Variants in OPCML observed in about 807,000 individuals in gnomAD.
The protein encoded by OPCML is opioid-binding protein/cell adhesion molecule.
A neutral mutation model predicts 37.8 loss-of-function variants in OPCML; 13 were observed. The ratio of observed to expected loss-of-function variants is 0.34; its 90% CI spans 0.22 to 0.55. The LOEUF (loss-of-function observed/expected upper bound fraction) is 0.55. Among genes scored for constraint, OPCML ranks in the 20% least tolerant of loss-of-function variants. The probability of loss-of-function intolerance (pLI) is 0.91; values close to 1 mark genes in which losing one functional copy is unlikely to be tolerated. For missense variants in OPCML, 341 were observed against 435.6 expected, an observed-to-expected ratio of 0.78 and a Z score of 1.93; for synonymous variants, 176 against 168.8, an observed-to-expected ratio of 1.04 and a Z score of -0.33.
chr11:133,422,010 C>T (rs1945897069), intron 1 of OPCML: 2 of 397,372 alleles, frequency 5.0e-6, no homozygotes, highest in African/African-American at 4.4e-5. Flanking sequence ...GGTACATGTG[C>T]AGAATGTGCA....
At chr11:132,639,982 A>G (rs1249983692) in intron 3 of OPCML, among the ~76,000 whole-genome samples, 1 of 152,210 alleles carries the variant, frequency 6.6e-6, no homozygotes, top group African/African-American at 2.4e-5. Context: ...CCTAAATTGC[A>G]TGAGGCCCAG....
intron 2 of OPCML, among the ~76,000 whole-genome samples, chr11:132,850,105 A>G (rs1036550572): frequency 2.6e-5 from 4 of 152,172 alleles, no homozygotes; most frequent in African/African-American, 7.2e-5. Flanking sequence ...ATTTTATTTC[A>G]AGTCTTGTGT....
chr11:132,805,546 T>C (rs1422024782), intron 2 of OPCML, among the ~76,000 whole-genome samples: 1 of 152,082 alleles, frequency 6.6e-6, no homozygotes, highest in African/African-American at 2.4e-5. Flanking sequence ...GCACATTGAA[T>C]AGAGACAACA....
At chr11:132,712,123 G>A (rs1177841142) in intron 2 of OPCML, among the ~76,000 whole-genome samples, 2 of 152,176 alleles carry the variant, frequency 1.3e-5, no homozygotes, top group Non-Finnish European at 2.9e-5. Context: ...AGGAGGAAGG[G>A]GTTGGTAGTA....
chr11:133,477,314 C>A (rs368146239), intron 1 of OPCML, among the ~76,000 whole-genome samples: 12 of 152,172 alleles, frequency 7.9e-5, no homozygotes, highest in Admixed American at 1.3e-4. Flanking sequence ...CTTGTCTCTG[C>A]AGAATGGGTG....
Position 133,140,903 on chromosome 11 carries a change from AC to A in OPCML, c.62-197894del, listed in dbSNP as rs1192093678. On this transcript the variant is annotated intron_variant, in intron 1 of 7. Coordinates refer to ENST00000524381, the MANE Select transcript of OPCML (RefSeq NM_001012393.5). ...GACGACGACGACGACGAAGACGACG[AC>A]GACGAAGAAGAAGAAGACGACGACG... 1.6e-3 allele frequency among the ~76,000 whole-genome samples: 38 copies of A among 24,060 alleles called. 9 individuals carry two copies. Among genetic ancestry groups the A allele is most frequent in the South Asian group, 4.1e-3 (2 of 484 alleles). The allele number at this position is 24,060 out of a possible 152,430, so 15.8% of individuals were successfully genotyped here.
chr11:132,930,009 G>A (rs1463722420), intron 2 of OPCML, among the ~76,000 whole-genome samples: 2 of 152,146 alleles, frequency 1.3e-5, no homozygotes, highest in African/African-American at 4.8e-5. Context: ...AACCAAGGCA[G>A]GAGTGTCTGC....
intron 4 of OPCML, among the ~76,000 whole-genome samples, chr11:132,446,819 A>G (rs530684171): frequency 6.6e-6 from 1 of 152,302 alleles, no homozygotes; most frequent in South Asian, 2.1e-4. Context: ...GGAAGGAGAC[A>G]CTGCCTCTTT....
intron 1 of OPCML, among the ~76,000 whole-genome samples, chr11:133,275,672 T>C (rs1156285007): frequency 6.6e-6 from 1 of 152,162 alleles, no homozygotes; most frequent in Non-Finnish European, 1.5e-5. Context: ...AATATTAACC[T>C]CTCTCTGCTG....
intron 1 of OPCML, among the ~76,000 whole-genome samples, chr11:132,978,810 C>T (rs1291247567): frequency 2.6e-5 from 4 of 151,352 alleles, no homozygotes; most frequent in Non-Finnish European, 5.9e-5. Flanking sequence ...TGTATATACA[C>T]GCACACACAG....
intron 1 of OPCML, among the ~76,000 whole-genome samples, chr11:133,432,157 C>T (rs1219984373): frequency 2.0e-5 from 3 of 151,982 alleles, no homozygotes; most frequent in Admixed American, 1.3e-4. Flanking sequence ...ATGCTCATTA[C>T]CTGAATGTAA....
At chr11:132,421,515 A>AT (rs756407963) in intron 7 of OPCML, among the ~76,000 whole-genome samples, 1 of 152,192 alleles carries the variant, frequency 6.6e-6, no homozygotes, top group Non-Finnish European at 1.5e-5. Flanking sequence ...GGAGGGACTG[A>AT]TGGGAACATT....
At position 133,286,805 on chromosome 11, in the gene OPCML, A is replaced by G. The variant is rs547945105; in HGVS notation, c.61+245459T>C. ...AACATTGGTTTTAAAAGGGCTACAG[A>G]AAACCATGCTGGATAAATAATAATT... On this transcript the variant is annotated intron_variant, in intron 1 of 7. Coordinates refer to ENST00000524381, the MANE Select transcript of OPCML (RefSeq NM_001012393.5). 1.8e-4 allele frequency among the ~76,000 whole-genome samples: 28 copies of G among 152,348 alleles called. No homozygotes were observed. In the South Asian group the frequency reaches 5.8e-3, roughly 32 times the overall value.
intron 1 of OPCML, among the ~76,000 whole-genome samples, chr11:133,064,537 G>T (rs12361143): frequency 6.6e-6 from 1 of 152,106 alleles, no homozygotes; most frequent in Non-Finnish European, 1.5e-5. Context: ...CCGCTGCAGG[G>T]CCACCTTGTG....
chr11:132,520,034 G>A (rs2096288945), intron 4 of OPCML, among the ~76,000 whole-genome samples: 1 of 152,184 alleles, frequency 6.6e-6, no homozygotes, highest in South Asian at 2.1e-4. Context: ...TGGCATGAAT[G>A]TGGCTTTGAT....
At chr11:133,481,282 C>A (rs1163211463) in intron 1 of OPCML, among the ~76,000 whole-genome samples, 1 of 152,044 alleles carries the variant, frequency 6.6e-6, no homozygotes, top group South Asian at 2.1e-4. Context: ...GCTTAAAAGA[C>A]CCTTAAATAA....
chr11:133,520,641 A>G (rs558238902), intron 1 of OPCML, among the ~76,000 whole-genome samples: 1 of 152,304 alleles, frequency 6.6e-6, no homozygotes, highest in South Asian at 2.1e-4. Flanking sequence ...CTTTCCACAA[A>G]AGAATATTCT....
At position 133,102,915 on chromosome 11, in the gene OPCML, C is replaced by T. The variant is rs1250883792; in HGVS notation, c.62-159905G>A. Among the ~76,000 whole-genome samples, 5 of 152,158 alleles carry T rather than the reference C, an allele frequency of 3.3e-5. No individual in the cohort carries two copies. The South Asian group carries it at 1.0e-3, about 32-fold the overall frequency. On this transcript the variant is annotated intron_variant, in intron 1 of 7. Transcript: ENST00000524381. ...TGGGCTATAAAGCAAGGGAGTGGAG[C>T]CCTAGGAACTGTATCAGGTTCTCAG...
intron 3 of OPCML, among the ~76,000 whole-genome samples, chr11:132,593,472 C>T (rs2096487869): frequency 6.6e-6 from 1 of 152,144 alleles, no homozygotes; most frequent in South Asian, 2.1e-4. Flanking sequence ...AAGAATTTAA[C>T]TGCGAAATAA....
Sources: allele counts gnomAD v4.1 joint callset (sites outside exome capture counted in the v4.1 genomes callset), GRCh38; gene constraint gnomAD v4.1.1; transcripts MANE v1.5; gene names NCBI Gene and HGNC (gene_info 2026-07-23, HGNC 2026-07-21).